PDE4D: variants seen among roughly 807,000 people sequenced by gnomAD.
PDE4D encodes phosphodiesterase 4D.
A neutral mutation model predicts 87.4 loss-of-function variants in PDE4D; 24 were observed. The ratio of observed to expected loss-of-function variants is 0.27; its 90% confidence interval spans 0.20 to 0.39. PDE4D has a LOEUF of 0.39. Ranked by LOEUF, PDE4D falls within the 10% of genes least tolerant of loss-of-function variation. The pLI is 1.00. For synonymous variants in PDE4D, 384 were observed against 383.2 expected (o/e 1.00, Z -0.02); for missense variants, 714 against 1,041.0 (o/e 0.69, Z 4.32).
rs71606610 is a variant in PDE4D at position 59,872,262 on chromosome 5, T to TACACAC, written c.455+20900_455+20905dup. Among the ~76,000 whole-genome samples, 1,141 of 131,794 alleles carry TACACAC rather than the reference T, an allele frequency of 8.7e-3. 8 individuals carry two copies. Among genetic ancestry groups the TACACAC allele is most frequent in the African/African-American group, 0.029 (921 of 31,974 alleles). 86.5% of individuals were successfully genotyped at this position (131,794 alleles called of 152,430 possible). The stretch of plus-strand genomic sequence containing the variant: ...ACTGATGGATTCACAACAGAAGAGT[T>TACACAC]ACACACACACACACACACACACACA... On this transcript the variant is annotated intron_variant, in intron 1 of 14. Coordinates refer to ENST00000340635, the MANE Select transcript of PDE4D (RefSeq NM_001104631.2).
At chr5:59,671,972 T>C (rs1400532604) in intron 1 of PDE4D, among the ~76,000 whole-genome samples, 1 of 152,160 alleles carries the variant, frequency 6.6e-6, no homozygotes, top group Non-Finnish European at 1.5e-5. Context: ...GACATTTAAA[T>C]GTATGATTCC....
chr5:59,417,655 C>T (rs1438766193), intron 1 of PDE4D, among the ~76,000 whole-genome samples: 2 of 151,892 alleles, frequency 1.3e-5, no homozygotes, highest in Non-Finnish European at 2.9e-5. Flanking sequence ...AGTACTAGTA[C>T]TATTTTTTGT....
chr5:59,760,725 T>A (rs973767134), intron 1 of PDE4D, among the ~76,000 whole-genome samples: 3 of 152,184 alleles, frequency 2.0e-5, no homozygotes, highest in Non-Finnish European at 2.9e-5. Flanking sequence ...ATGCTACCCA[T>A]GAATATTAGT....
In PDE4D at chr5:60,331,539, A is replaced by T. The variant is rs192379024; in HGVS notation, c.-89-145852T>A. 3.2e-3 allele frequency among the ~76,000 whole-genome samples: 492 copies of T among 152,188 alleles called. 4 individuals carry two copies. Among genetic ancestry groups the T allele is most frequent in the African/African-American group, 0.011 (463 of 41,510 alleles). ...TGGCCTCCCTTTGTGTGGAACGCAA[A>T]CTTCCCCCTGAAGGATAGACCTGTG... On this transcript the variant is annotated intron_variant, in intron 1 of 16. Transcript: ENST00000502484.
chr5:60,075,047 T>TGTTGTTA (rs1192805512), intron 2 of PDE4D, among the ~76,000 whole-genome samples: 1 of 152,186 alleles, frequency 6.6e-6, no homozygotes, highest in Non-Finnish European at 1.5e-5. Context: ...CCTGTCATCA[T>TGTTGTTA]GTTGTTAGGT....
chr5:60,247,784 A>G (rs902826808), intron 1 of PDE4D, among the ~76,000 whole-genome samples: 1 of 151,932 alleles, frequency 6.6e-6, no homozygotes, highest in Admixed American at 6.6e-5. Context: ...CATTTTTCAT[A>G]TAAGTGTTCA....
intron 1 of PDE4D, among the ~76,000 whole-genome samples, chr5:59,475,358 T>C (rs1803142749): frequency 2.0e-5 from 3 of 152,054 alleles, no homozygotes; most frequent in African/African-American, 7.2e-5. Context: ...CTAAGAACCA[T>C]GGTTATATAT....
intron 1 of PDE4D, among the ~76,000 whole-genome samples, chr5:59,598,572 G>C (rs1252074144): frequency 6.6e-6 from 1 of 152,102 alleles, no homozygotes; most frequent in Non-Finnish European, 1.5e-5. Flanking sequence ...TTGAGATGAG[G>C]CTGCTGCCTG....
intron 1 of PDE4D, among the ~76,000 whole-genome samples, chr5:60,330,004 T>A (rs1757175205): frequency 6.6e-6 from 1 of 152,034 alleles, no homozygotes; most frequent in Admixed American, 6.5e-5. Context: ...AACCATTTGC[T>A]TAAGAGAATC....
In PDE4D at chr5:60,517,272, G is replaced by A. The variant is rs568221652; in HGVS notation, n.70+4779C>T. ...GAGAGTGGCTCAGTATGGGCTGCAG[G>A]TGCCCCTTGGCATGAACAGCCTGGG... On this transcript the variant is annotated intron_variant and non_coding_transcript_variant, in intron 1 of 2. Transcript: ENST00000506510. Among the ~76,000 whole-genome samples the A allele has an allele frequency of 2.6e-5, 4 of 152,320 alleles. No homozygotes were observed. In the East Asian group the frequency reaches 5.8e-4, roughly 22 times the overall value.
chr5:59,634,007 A>G (rs1333930040), intron 1 of PDE4D, among the ~76,000 whole-genome samples: 1 of 152,168 alleles, frequency 6.6e-6, no homozygotes, highest in Non-Finnish European at 1.5e-5. Flanking sequence ...ATGTGCAAAC[A>G]CACACACAGG....
chr5:59,705,901 G>A (rs1216474399), intron 1 of PDE4D, among the ~76,000 whole-genome samples: 1 of 152,132 alleles, frequency 6.6e-6, no homozygotes, highest in Non-Finnish European at 1.5e-5. Context: ...CAGTGCTCTG[G>A]AGTTAGATGG....
At chr5:60,006,998 C>T (rs1337385179) in intron 2 of PDE4D, among the ~76,000 whole-genome samples, 1 of 151,828 alleles carries the variant, frequency 6.6e-6, no homozygotes, top group Non-Finnish European at 1.5e-5. Context: ...TTTTTATTTT[C>T]CCTTCAAGTT....
intron 1 of PDE4D, among the ~76,000 whole-genome samples, chr5:59,569,976 T>C (rs1221593296): frequency 6.6e-6 from 1 of 152,342 alleles, no homozygotes; most frequent in East Asian, 1.9e-4. Flanking sequence ...ATAGGTTCCA[T>C]ATTTTACCTT....
chr5:59,885,665 G>T (rs1319998707), intron 1 of PDE4D, among the ~76,000 whole-genome samples: 1 of 151,926 alleles, frequency 6.6e-6, no homozygotes, highest in East Asian at 1.9e-4. Flanking sequence ...CTCTGTAGAG[G>T]CACTTCTCTA....
At chr5:60,113,988 A>G (rs1313300035) in intron 2 of PDE4D, among the ~76,000 whole-genome samples, 1 of 152,108 alleles carries the variant, frequency 6.6e-6, no homozygotes, top group Non-Finnish European at 1.5e-5. Flanking sequence ...TATTTACTGG[A>G]ATGTAGAGTG....
At chr5:59,248,984 G>T (rs191202788) in intron 1 of PDE4D, among the ~76,000 whole-genome samples, 6 of 151,192 alleles carry the variant, frequency 4.0e-5, no homozygotes, top group Middle Eastern at 3.4e-3. Context: ...AGTTACAAAA[G>T]AAAAAAAATC....
At chr5:60,059,012 T>C (rs924458450) in intron 2 of PDE4D, among the ~76,000 whole-genome samples, 7 of 149,518 alleles carry the variant, frequency 4.7e-5, no homozygotes, top group Admixed American at 6.7e-5. Context: ...AAATTAGAAG[T>C]TCTATCTATC....
intron 1 of PDE4D, among the ~76,000 whole-genome samples, chr5:60,194,228 A>C (rs191455343): frequency 1.3e-5 from 2 of 151,638 alleles, no homozygotes; most frequent in East Asian, 1.9e-4. Flanking sequence ...CTCCTTCCAC[A>C]CTTAAACTAC....
Sources: gnomAD v4.1 joint callset for allele counts (sites outside exome capture counted in the v4.1 genomes callset) on GRCh38, gnomAD v4.1.1 for gene constraint, MANE v1.5 for transcripts, NCBI Gene and HGNC (gene_info 2026-07-23, HGNC 2026-07-21) for gene names.